KIF17: variants seen among roughly 807,000 people sequenced by gnomAD.
The protein encoded by KIF17 is kinesin family member 17.
A neutral mutation model predicts 96.8 loss-of-function variants in KIF17; 80 were observed. That is an observed-to-expected ratio of 0.83 (90% CI 0.69 to 1.00). The LOEUF (loss-of-function observed/expected upper bound fraction) is 1.00. Ranked by LOEUF, KIF17 falls within the 50% of genes least tolerant of loss-of-function variation. The pLI is 0.00. For missense variants in KIF17, 1,280 were observed against 1,372.9 expected (o/e 0.93, Z 1.07); for synonymous variants, 567 against 587.5 (o/e 0.97, Z 0.51).
rs1034911027 is a variant in KIF17 at position 20,700,351 on chromosome 1, G to A, written c.1124-1863C>T. 6.6e-6 allele frequency among the ~76,000 whole-genome samples: 1 copy of A among 152,130 alleles called. No homozygotes were observed. Among genetic ancestry groups the A allele is most frequent in the African/African-American group, 2.4e-5 (1 of 41,444 alleles). On this transcript the variant is annotated intron_variant, in intron 5 of 14. Transcript: ENST00000400463. The surrounding 1 kb of genome is among the most constrained non-coding windows in gnomAD (Gnocchi z 4.6). Reference sequence around the variant, plus strand: ...CTCCCAAAGTACTAGGATTACAGGCGTGAACCACTGCGCCCGGCCAGGCTG... The same window carrying A: ...CTCCCAAAGTACTAGGATTACAGGCATGAACCACTGCGCCCGGCCAGGCTG...
intron 2 of KIF17, among the ~76,000 whole-genome samples, chr1:20,713,946 G>A (rs971790317): frequency 4.6e-5 from 7 of 152,068 alleles, no homozygotes; most frequent in Admixed American, 6.5e-5. Flanking sequence ...CAGCACTTTC[G>A]GAGGCCTAGG....
rs1251691024 is a variant in KIF17, at chr1:20,687,995, C to A, written c.1382-51G>T. On this transcript the variant is annotated intron_variant, in intron 7 of 14. Coordinates refer to ENST00000400463, the MANE Select transcript of KIF17 (RefSeq NM_001122819.3). The surrounding 1 kb of genome is among the most constrained non-coding windows in gnomAD (Gnocchi z 4.4). ...GTTTTTAAAGGGTCAGAATGAGAGA[C>A]CCTTCCCTAGAAGGTGGCTCCAAGC... 1 of 1,512,304 alleles carries A rather than the reference C, an allele frequency of 6.6e-7. No individual in the cohort carries two copies. 93.7% of individuals were successfully genotyped at this position (1,512,304 alleles called of 1,614,324 possible).
Position 20,690,347 on chromosome 1 carries a change from G to GTGTTCT in KIF17, c.1234-13_1234-12insAGAACA. The GTGTTCT allele has an allele frequency of 7.6e-7, 1 of 1,323,490 alleles. No individual in the cohort carries two copies. The highest frequency in any genetic ancestry group is 1.0e-6 in the Non-Finnish European group (1 of 954,002). The allele number at this position is 1,323,490 out of a possible 1,614,324, so 82.0% of individuals were successfully genotyped here. A position where few individuals can be genotyped will look rare whatever the true frequency, so the allele number is the denominator to read the frequency against. On this transcript the variant is annotated splice_polypyrimidine_tract_variant and intron_variant, in intron 6 of 14. Transcript: ENST00000400463. ...CGCTCTTCATACTCCTGGGGGGGTG[G>GTGTTCT]GAGGGACCAGAGGGCAGGCAGCATT...
rs1208726338 is a variant in KIF17, at chr1:20,664,524, C to A, written c.*60G>T. The A allele has an allele frequency of 6.2e-7, 1 of 1,612,706 alleles. No homozygotes were observed. Among genetic ancestry groups the A allele is most frequent in the Non-Finnish European group, 8.5e-7 (1 of 1,179,974 alleles). On this transcript the variant is annotated 3_prime_UTR_variant, in exon 15 of 15. Coordinates refer to ENST00000400463, the MANE Select transcript of KIF17 (RefSeq NM_001122819.3). Reference sequence around the variant, plus strand: ...TGGGAGGAGACCTGGTTGGGGCTGCCCTGGGAGGGCCTGGCAGTCTCTACA... The same window carrying A: ...TGGGAGGAGACCTGGTTGGGGCTGCACTGGGAGGGCCTGGCAGTCTCTACA...
intron 7 of KIF17, 72 bp from the exon 8 acceptor site, chr1:20,688,016 C>A: frequency 7.8e-7 from 1 of 1,280,812 alleles, no homozygotes; most frequent in Non-Finnish European, 1.1e-6. Flanking sequence ...AAGGTGGCTC[C>A]AAGCCCAGTG....
chr1:20,682,021 C>T (rs2053837643), intron 11 of KIF17, among the ~76,000 whole-genome samples: 1 of 152,164 alleles, frequency 6.6e-6, no homozygotes, highest in Non-Finnish European at 1.5e-5. Context: ...TTGTCTCGCC[C>T]TGGTATTCTC....
At chr1:20,666,027 C>T (rs1229672875) in intron 14 of KIF17, among the ~76,000 whole-genome samples, 187 bp downstream of exon 14, 1 of 152,224 alleles carries the variant, frequency 6.6e-6, no homozygotes, top group Non-Finnish European at 1.5e-5. Flanking sequence ...CGGGCTGGGC[C>T]GTTTCCTCAC....
chr1:20,697,303 C>T (rs1570464499), intron 6 of KIF17, among the ~76,000 whole-genome samples: 1 of 152,182 alleles, frequency 6.6e-6, no homozygotes, highest in Non-Finnish European at 1.5e-5. Flanking sequence ...TCAGGAAAAG[C>T]CAGGGTTCTA....
At chr1:20,706,465 C>A (rs1040370835) in intron 4 of KIF17, among the ~76,000 whole-genome samples, 2 of 151,910 alleles carry the variant, frequency 1.3e-5, no homozygotes, top group Admixed American at 1.3e-4. Flanking sequence ...GTGGCACATG[C>A]CTGTAATCCC....
At position 20,704,946 on chromosome 1, in the gene KIF17, T is replaced by C. The variant is rs142246904; in HGVS notation, c.671-47A>G. 2.8e-4 allele frequency: 435 copies of C among 1,542,958 alleles called. 2 individuals are homozygous for C. In the African/African-American group the frequency reaches 5.0e-3, roughly 18 times the overall value. Reference sequence around the variant, plus strand: ...TGGCGAGGGCCTCGGGTGAGCCCTATGTATCGAGGGCAATCAGTGCCAGGC... The same window carrying C: ...TGGCGAGGGCCTCGGGTGAGCCCTACGTATCGAGGGCAATCAGTGCCAGGC... On this transcript the variant is annotated intron_variant, in intron 4 of 14. Coordinates refer to ENST00000400463, the MANE Select transcript of KIF17 (RefSeq NM_001122819.3). This position sits in a 1 kb window ranked among gnomAD's most constrained non-coding sequence, Gnocchi z 6.8.
In KIF17 at chr1:20,664,570, G is replaced by A; in HGVS notation, c.*14C>T. 1 of 1,614,068 alleles carries A rather than the reference G, an allele frequency of 6.2e-7. No homozygotes were observed. The highest frequency in any genetic ancestry group is 8.5e-7 in the Non-Finnish European group (1 of 1,180,026). On this transcript the variant is annotated 3_prime_UTR_variant, in exon 15 of 15. Coordinates refer to ENST00000400463, the MANE Select transcript of KIF17 (RefSeq NM_001122819.3). The stretch of plus-strand genomic sequence containing the variant: ...CTACATGCCTATAAGGCAGGCAATG[G>A]CAAGCAGCTGTGCTCACAGAGGCTC...
Position 20,699,863 on chromosome 1 carries a change from G to T in KIF17, c.1124-1375C>A, listed in dbSNP as rs1456253729. On this transcript the variant is annotated intron_variant, in intron 5 of 14. Coordinates refer to ENST00000400463, the MANE Select transcript of KIF17 (RefSeq NM_001122819.3). The surrounding 1 kb of genome is among the most constrained non-coding windows in gnomAD (Gnocchi z 4.3). ...GATTGTGACAGCTGTGGAGGGCCGG[G>T]TGAGGGCTTTGGCTGTGACTCTGGG... Among the ~76,000 whole-genome samples the T allele has an allele frequency of 6.6e-6, 1 of 152,210 alleles. No individual in the cohort carries two copies. Among genetic ancestry groups the T allele is most frequent in the Non-Finnish European group, 1.5e-5 (1 of 68,040 alleles).
chr1:20,665,219 CTTTTTTTTTTT>C (rs59635021), intron 14 of KIF17, among the ~76,000 whole-genome samples: 1 of 61,258 alleles, frequency 1.6e-5, no homozygotes, highest in African/African-American at 7.9e-5. Flanking sequence ...CAAATTTGCT[CTTTTTTTTTTT>C]TTTTTTTTTT....
chr1:20,681,356 T>G (rs2053827762), intron 11 of KIF17, among the ~76,000 whole-genome samples: 1 of 151,116 alleles, frequency 6.6e-6, no homozygotes, highest in African/African-American at 2.4e-5. Flanking sequence ...GCCGGACTAA[T>G]TTTTGTATTT....
At chr1:20,690,773 G>A (rs1302019108) in intron 6 of KIF17, among the ~76,000 whole-genome samples, 1 of 151,320 alleles carries the variant, frequency 6.6e-6, no homozygotes, top group Non-Finnish European at 1.5e-5. Flanking sequence ...TGCAAGCTCT[G>A]CCTCCCAGGT....
chr1:20,712,716 AAAT>A (rs1557606642), intron 3 of KIF17, among the ~76,000 whole-genome samples: 81 of 16,264 alleles, frequency 5.0e-3, no homozygotes, highest in East Asian at 0.02. Flanking sequence ...TCTATATATA[AAAT>A]TATATTATAT....
chr1:20,683,087 A>C (rs1430600806), intron 10 of KIF17, among the ~76,000 whole-genome samples: 1 of 152,118 alleles, frequency 6.6e-6, no homozygotes, highest in African/African-American at 2.4e-5. Context: ...CTGCCTGTGC[A>C]CTTGACCACA....
In KIF17 at chr1:20,704,452, A is replaced by C; in HGVS notation, c.1118T>G (p.Leu373Arg). 6.2e-7 allele frequency: 1 copy of C among 1,613,664 alleles called. No individual in the cohort carries two copies. The highest frequency in any genetic ancestry group is 8.5e-7 in the Non-Finnish European group (1 of 1,179,668). Residue 373 changes from leucine (L) to arginine (R), a missense_variant, in exon 5 of 15, where the codon CTG (leucine) becomes CGG (arginine). Leu to Arg is a moderately radical substitution (Grantham distance 102). Transcript: ENST00000400463. The surrounding 1 kb of genome is among the most constrained non-coding windows in gnomAD (Gnocchi z 6.8). The stretch of plus-strand genomic sequence containing the variant: ...CTACCCCAACGTGGTCCCACCTGAC[A>C]GGCTGCTGGGGCTCATCTGCTGTGT... ...ILTQQMSPSS[L>R]SALLSRQVPP...
rs1362647010 is a variant in KIF17, at chr1:20,717,467, C to A, written c.231+9G>T. Reference sequence around the variant, plus strand: ...GCCGCCTGCAGGGCGGCCTGCCGGGCGCCCTCACCTCCACCAGCGGATAGG... The same window carrying A: ...GCCGCCTGCAGGGCGGCCTGCCGGGAGCCCTCACCTCCACCAGCGGATAGG... On this transcript the variant is annotated intron_variant, in intron 1 of 14. Transcript: ENST00000400463. 1.9e-6 allele frequency: 3 copies of A among 1,609,906 alleles called. No homozygotes were observed. Among genetic ancestry groups the A allele is most frequent in the South Asian group, 1.1e-5 (1 of 91,070 alleles).
Sources: gnomAD v4.1 joint callset for allele counts (sites outside exome capture counted in the v4.1 genomes callset) on GRCh38, gnomAD v4.1.1 for gene constraint, Gnocchi (gnomAD v3.1) non-coding constraint, MANE v1.5 for transcripts, NCBI Gene and HGNC (gene_info 2026-07-23, HGNC 2026-07-21) for gene names.